GLP2R: variants seen among roughly 807,000 people sequenced by gnomAD.
GLP2R encodes the protein glucagon-like peptide 2 receptor.
In GLP2R, 59 loss-of-function variants were observed where a neutral mutation model predicts 68.2. That is an observed-to-expected ratio of 0.87 (90% CI 0.70 to 1.07). The LOEUF is 1.07. Ranked by LOEUF, GLP2R falls within the 50% of genes least tolerant of loss-of-function variation. The pLI, the probability that GLP2R is intolerant of heterozygous loss-of-function variation, is 0.00. For missense variants in GLP2R, 548 were observed against 677.4 expected, an observed-to-expected ratio of 0.81 and a Z score of 2.12; for synonymous variants, 270 against 265.4, an observed-to-expected ratio of 1.02 and a Z score of -0.17.
At chr17:9,884,690 T>C (rs982861786) in intron 11 of GLP2R, among the ~76,000 whole-genome samples, 1 of 152,172 alleles carries the variant, frequency 6.6e-6, no homozygotes, top group Non-Finnish European at 1.5e-5. Context: ...AATATTTTTT[T>C]CCCTCCTGTT....
chr17:9,834,137 G>A (rs1414579260), intron 2 of GLP2R, among the ~76,000 whole-genome samples: 2 of 152,152 alleles, frequency 1.3e-5, no homozygotes, highest in Non-Finnish European at 2.9e-5. Context: ...CTAAGGGCCT[G>A]CCTGACCAGA....
intron 1 of GLP2R, among the ~76,000 whole-genome samples, chr17:9,833,540 T>C (rs1195851281): frequency 6.6e-6 from 1 of 152,226 alleles, no homozygotes; most frequent in East Asian, 1.9e-4. Context: ...ATAAGAATTT[T>C]GCGTACTCTT....
At chr17:9,855,701 T>C (rs1215317802) in intron 5 of GLP2R, among the ~76,000 whole-genome samples, 16 of 152,242 alleles carry the variant, frequency 1.1e-4, no homozygotes, top group Non-Finnish European at 1.5e-5. Context: ...GCATTATTAT[T>C]ACCCCCACTT....
rs1567725301 is a variant in GLP2R at position 9,852,813 on chromosome 17, T to TCA, written c.505-1682_505-1681insCA. ...CATCATCTTCTTCAACATCATCATC[T>TCA]TCATCATCATCATCATCTTCTCCAT... On this transcript the variant is annotated intron_variant, in intron 4 of 12. Transcript: ENST00000262441. The TCA allele has an allele frequency of 3.9e-5, 11 of 279,656 alleles. No individual in the cohort carries two copies. The East Asian group carries it at 9.5e-4, about 24-fold the overall frequency. 17.3% of individuals were successfully genotyped at this position (279,656 alleles called of 1,614,324 possible).
chr17:9,833,031 G>C (rs1455599286), intron 1 of GLP2R, among the ~76,000 whole-genome samples: 1 of 152,106 alleles, frequency 6.6e-6, no homozygotes, highest in Non-Finnish European at 1.5e-5. Context: ...GGGAAGCTGA[G>C]GTGGGCAGAT....
rs2067277473 is a variant in GLP2R, at chr17:9,889,954, C to T, written c.*249C>T. ...CCAGTGTGTTTTCCACAATGCCCAC[C>T]AGACCCTAGGGCCTGGCTCTAAATT... On this transcript the variant is annotated 3_prime_UTR_variant, in exon 13 of 13. Transcript: ENST00000262441. 1.7e-6 allele frequency: 1 copy of T among 576,784 alleles called. No individual in the cohort carries two copies. The highest frequency in any genetic ancestry group is 3.3e-6 in the Non-Finnish European group (1 of 305,158). 35.7% of individuals were successfully genotyped at this position (576,784 alleles called of 1,614,324 possible). A position where few individuals can be genotyped will look rare whatever the true frequency, so the allele number is the denominator to read the frequency against.
intron 9 of GLP2R, among the ~76,000 whole-genome samples, 188 bp from the exon 10 acceptor site, chr17:9,870,559 G>A (rs1166318229): frequency 6.6e-6 from 1 of 152,116 alleles, no homozygotes; most frequent in Non-Finnish European, 1.5e-5. Flanking sequence ...TGGGACAGTG[G>A]AGATTCAGAT....
At position 9,887,960 on chromosome 17, in the gene GLP2R, T is replaced by A; in HGVS notation, c.1313T>A (p.Phe438Tyr). 6.2e-7 allele frequency: 1 copy of A among 1,612,158 alleles called. No homozygotes were observed. The highest frequency in any genetic ancestry group is 8.5e-7 in the Non-Finnish European group (1 of 1,178,194). The change falls in exon 12 of 13, where the codon TTT becomes TAT. Residue 438 changes from phenylalanine to tyrosine, a missense_variant. Coordinates refer to ENST00000262441, the MANE Select transcript of GLP2R (RefSeq NM_004246.3). ...HGFLVALQYG[F>Y]ANGEVKAELR... ...TTCCTGGTGGCCTTGCAGTATGGTTTTGCCAATGGAGAGGTATGATTTCCA... is the reference window on the plus strand; with the variant it reads ...TTCCTGGTGGCCTTGCAGTATGGTTATGCCAATGGAGAGGTATGATTTCCA...
chr17:9,889,895 C>A lies in GLP2R; in HGVS notation c.*190C>A. 3 of 645,176 alleles carry A rather than the reference C, an allele frequency of 4.6e-6. No individual in the cohort carries two copies. Among genetic ancestry groups the A allele is most frequent in the East Asian group, 5.8e-5 (2 of 34,454 alleles). The allele number at this position is 645,176 out of a possible 1,614,324, so 40.0% of individuals were successfully genotyped here. A position where few individuals can be genotyped will look rare whatever the true frequency, so the allele number is the denominator to read the frequency against. ...AAGAGGCTGTGTGTCATGCTCACAG[C>A]CTCTGCCTGCTCTTCTCATCCTAAT... On this transcript the variant is annotated 3_prime_UTR_variant, in exon 13 of 13. Transcript: ENST00000262441.
chr17:9,826,056 C>G lies in GLP2R; in HGVS notation c.-8C>G. On this transcript the variant is annotated 5_prime_UTR_variant, in exon 1 of 13. Transcript: ENST00000262441. Reference sequence around the variant, plus strand: ...ATGTACCCCTACTTGTGAAGGTGCACGAGGAAGATGAAGCTGGGATCGAGC... The same window carrying G: ...ATGTACCCCTACTTGTGAAGGTGCAGGAGGAAGATGAAGCTGGGATCGAGC... 1 of 1,608,216 alleles carries G rather than the reference C, an allele frequency of 6.2e-7. No individual in the cohort carries two copies. Among genetic ancestry groups the G allele is most frequent in the Non-Finnish European group, 8.5e-7 (1 of 1,178,116 alleles).
chr17:9,879,526 C>A (rs536787048), intron 10 of GLP2R, among the ~76,000 whole-genome samples: 1 of 151,938 alleles, frequency 6.6e-6, no homozygotes, highest in African/African-American at 2.4e-5. Context: ...TGGGACCCAA[C>A]CTCCAGAGGT....
At chr17:9,879,870 C>T (rs958793846) in intron 10 of GLP2R, among the ~76,000 whole-genome samples, 1 of 152,112 alleles carries the variant, frequency 6.6e-6, no homozygotes, top group African/African-American at 2.4e-5. Context: ...GGTCAGATGC[C>T]CCCACATCCA....
Position 9,891,534 on chromosome 17 carries a change from T to G in GLP2R, c.*1829T>G, listed in dbSNP as rs1158698508. ...GTCTATGAGGGACTTTTAATGTGAA[T>G]TTTTATTTTTAGACAATTGCATTAA... On this transcript the variant is annotated 3_prime_UTR_variant, in exon 13 of 13. Coordinates refer to ENST00000262441, the MANE Select transcript of GLP2R (RefSeq NM_004246.3). The G allele has an allele frequency of 1.3e-5, 2 of 152,150 alleles. No individual in the cohort carries two copies. Among genetic ancestry groups the G allele is most frequent in the African/African-American group, 4.8e-5 (2 of 41,438 alleles). The allele number at this position is 152,150 out of a possible 1,614,324, so 9.4% of individuals were successfully genotyped here.
Position 9,866,169 on chromosome 17 carries a change from G to T in GLP2R, c.1056+4079G>T, listed in dbSNP as rs2067035396. ...GAAAGAGGCAGGCTAGGAGTCAGGA[G>T]CCTGGGCTCTATGACTGACTTGTGA... On this transcript the variant is annotated intron_variant, in intron 9 of 12. Transcript: ENST00000262441. The T allele has an allele frequency of 1.3e-5, 4 of 318,372 alleles. 1 individual carries two copies. The highest frequency in any genetic ancestry group is 1.1e-4 in the South Asian group (4 of 36,434). The allele number at this position is 318,372 out of a possible 1,614,324, so 19.7% of individuals were successfully genotyped here.
chr17:9,844,668 C>CTTTTTTTTTTTTTTTTTTTTT lies in GLP2R; in HGVS notation c.504+2070_504+2090dup, dbSNP rs71139004. 2.0e-4 allele frequency among the ~76,000 whole-genome samples: 9 copies of CTTTTTTTTTTTTTTTTTTTTT among 44,316 alleles called. 4 individuals carry two copies. Among genetic ancestry groups the CTTTTTTTTTTTTTTTTTTTTT allele is most frequent in the Non-Finnish European group, 4.2e-4 (9 of 21,402 alleles). 29.1% of individuals were successfully genotyped at this position (44,316 alleles called of 152,430 possible). ...ATTCTCAATATTTTACTACCTAATT[C>CTTTTTTTTTTTTTTTTTTTTT]TTTTTTTTTTTTTTTTTTTTTTTTT... On this transcript the variant is annotated intron_variant, in intron 4 of 12. Transcript: ENST00000262441.
intron 12 of GLP2R, 116 bp downstream of exon 12, chr17:9,888,089 A>G: frequency 1.2e-6 from 1 of 805,926 alleles, no homozygotes; most frequent in Admixed American, 1.7e-5. Context: ...AGTGACCAGC[A>G]TGTGTGGGGA....
intron 10 of GLP2R, among the ~76,000 whole-genome samples, chr17:9,873,075 C>G (rs1437353897): frequency 1.3e-5 from 2 of 152,172 alleles, no homozygotes; most frequent in Non-Finnish European, 2.9e-5. Flanking sequence ...TGGCTCCCTT[C>G]CCAAAGGCTT....
At chr17:9,886,151 TGGCAAGA>T (rs1457357925) in intron 11 of GLP2R, among the ~76,000 whole-genome samples, 1 of 152,204 alleles carries the variant, frequency 6.6e-6, no homozygotes, top group Non-Finnish European at 1.5e-5. Flanking sequence ...CCATGGGAAT[TGGCAAGA>T]ACAGGCATCA....
rs2066990788 is a variant in GLP2R at position 9,861,908 on chromosome 17, T to C, written c.987-113T>C. On this transcript the variant is annotated intron_variant, in intron 8 of 12. Coordinates refer to ENST00000262441, the MANE Select transcript of GLP2R (RefSeq NM_004246.3). ...TCCCACCCCTCAGGGGACTGATTGG[T>C]GGGAAGTAGGGCTTGAGTGCAAGCA... 7.7e-6 allele frequency: 6 copies of C among 779,640 alleles called. No homozygotes were observed. The East Asian group carries it at 1.5e-4, about 19-fold the overall frequency. 48.3% of individuals were successfully genotyped at this position (779,640 alleles called of 1,614,324 possible). A position where few individuals can be genotyped will look rare whatever the true frequency, so the allele number is the denominator to read the frequency against.
Sources: allele counts gnomAD v4.1 joint callset (sites outside exome capture counted in the v4.1 genomes callset), GRCh38; gene constraint gnomAD v4.1.1; transcripts MANE v1.5; gene names NCBI Gene and HGNC (gene_info 2026-07-23, HGNC 2026-07-21).